Variants in HYAL4 observed in about 807,000 individuals in gnomAD.
The protein encoded by HYAL4 is hyaluronidase-4.
HYAL4 carries 37 observed loss-of-function variants against 35.2 expected under a neutral mutation model. The observed-to-expected ratio is 1.05, with a 90% CI of 0.81 to 1.38. HYAL4 has a LOEUF of 1.38. HYAL4 is among the 40% of genes most tolerant of loss of function. The probability of loss-of-function intolerance (pLI) is 0.00; values close to 1 mark genes in which losing one functional copy is unlikely to be tolerated. For missense variants in HYAL4, 572 were observed against 572.4 expected (o/e 1.00, Z 0.01); for synonymous variants, 198 against 203.2 (o/e 0.97, Z 0.22).
intron 2 of HYAL4, among the ~76,000 whole-genome samples, chr7:123,860,069 C>T (rs532401192): frequency 6.6e-6 from 1 of 152,310 alleles, no homozygotes; most frequent in Non-Finnish European, 1.5e-5. Flanking sequence ...TTCCCCCATG[C>T]TGTTCTCCTG....
chr7:123,862,530 C>T (rs145132183), intron 2 of HYAL4, among the ~76,000 whole-genome samples: 42 of 152,264 alleles, frequency 2.8e-4, no homozygotes, highest in African/African-American at 9.1e-4. Context: ...CAGTGTGGAT[C>T]ACCATGCTGT....
At chr7:123,854,566 T>C (rs985610662) in intron 2 of HYAL4, among the ~76,000 whole-genome samples, 42 of 152,234 alleles carry the variant, frequency 2.8e-4, no homozygotes, top group Admixed American at 2.2e-3. Context: ...TCTAATTTGA[T>C]TGGACTGTGG....
chr7:123,850,298 G>T (rs2116927881), intron 2 of HYAL4, among the ~76,000 whole-genome samples: 1 of 152,324 alleles, frequency 6.6e-6, no homozygotes, highest in South Asian at 2.1e-4. Context: ...ATGGAGTGCA[G>T]TGGCATGATC....
intron 2 of HYAL4, among the ~76,000 whole-genome samples, chr7:123,861,759 A>G (rs1039949307): frequency 1.3e-5 from 2 of 152,188 alleles, no homozygotes; most frequent in Non-Finnish European, 2.9e-5. Flanking sequence ...AATTTTATAC[A>G]ATCAAGATAG....
chr7:123,841,719 T>C (rs1285648429), upstream of HYAL4, among the ~76,000 whole-genome samples: 5 of 152,030 alleles, frequency 3.3e-5, no homozygotes, highest in African/African-American at 7.2e-5. Context: ...GGTTTAGTCT[T>C]GGGAGGGTGT....
At chr7:123,805,270 C>A in the HYAL4 span, among the ~76,000 whole-genome samples, 1 of 152,156 alleles carries the variant, frequency 6.6e-6, no homozygotes, top group Admixed American at 6.5e-5. Flanking sequence ...ATCTGTTCAA[C>A]CCTCCTATTA....
the HYAL4 span, among the ~76,000 whole-genome samples, chr7:123,793,517 G>A: frequency 1.3e-5 from 2 of 152,136 alleles, no homozygotes; most frequent in African/African-American, 2.4e-5. Context: ...GGGACCTGGT[G>A]GAAAATAATT....
intron 3 of HYAL4, among the ~76,000 whole-genome samples, chr7:123,873,110 C>G (rs1200826205): frequency 6.6e-6 from 1 of 152,108 alleles, no homozygotes; most frequent in Non-Finnish European, 1.5e-5. Context: ...TCCCTTATGT[C>G]TTTGCCCAAA....
At chr7:123,866,789 CTTTTTTT>C (rs1009764748) in intron 2 of HYAL4, among the ~76,000 whole-genome samples, 2 of 134,188 alleles carry the variant, frequency 1.5e-5, no homozygotes, top group African/African-American at 2.9e-5. Context: ...CTTTCTCTCT[CTTTTTTT>C]TTTTTTTTTT....
At chr7:123,864,679 G>A (rs963076836) in intron 2 of HYAL4, among the ~76,000 whole-genome samples, 4 of 151,686 alleles carry the variant, frequency 2.6e-5, no homozygotes, top group Non-Finnish European at 5.9e-5. Context: ...CTGAAGCAAA[G>A]GGCACTTTTG....
At chr7:123,822,318 A>G in the HYAL4 span, among the ~76,000 whole-genome samples, 6 of 152,064 alleles carry the variant, frequency 3.9e-5, no homozygotes, top group African/African-American at 1.2e-4. Flanking sequence ...AACACCTTTT[A>G]TCAATATTAT....
At chr7:123,794,223 A>G in the HYAL4 span, among the ~76,000 whole-genome samples, 7 of 152,308 alleles carry the variant, frequency 4.6e-5, no homozygotes, top group Non-Finnish European at 1.0e-4. Context: ...TGGAAGAACC[A>G]TCTAAGTGGC....
At chr7:123,835,160 C>G (rs1183671103) in intron 1 of HYAL4, among the ~76,000 whole-genome samples, 1 of 151,906 alleles carries the variant, frequency 6.6e-6, no homozygotes, top group Non-Finnish European at 1.5e-5. Flanking sequence ...AAGTTTGGTA[C>G]CACTTCTTTG....
upstream of HYAL4, among the ~76,000 whole-genome samples, chr7:123,844,688 C>G (rs1806139758): frequency 1.3e-5 from 2 of 152,166 alleles, no homozygotes; most frequent in South Asian, 2.1e-4. Flanking sequence ...GGGCTCCACC[C>G]AGTTCGAGTT....
Position 123,845,179 on chromosome 7 carries a change from A to G in HYAL4, c.-628A>G, listed in dbSNP as rs369769891. 73 of 64,848 alleles carry G rather than the reference A, an allele frequency of 1.1e-3. 1 individual carries two copies. Among genetic ancestry groups the G allele is most frequent in the African/African-American group, 4.2e-3 (71 of 16,942 alleles). The allele number at this position is 64,848 out of a possible 1,614,324, so 4.0% of individuals were successfully genotyped here. On this transcript the variant is annotated 5_prime_UTR_variant, in exon 1 of 5. Transcript: ENST00000223026. ...TCCAGTTTCAATAGTTCTTTATTTT[A>G]TTTATGCTATCTATTTCTTTTCCTT... is the stretch of plus-strand genomic sequence containing the variant.
chr7:123,765,018 G>A, the HYAL4 span, among the ~76,000 whole-genome samples: 1 of 152,136 alleles, frequency 6.6e-6, no homozygotes, highest in Non-Finnish European at 1.5e-5. Flanking sequence ...TCTGTCTAAA[G>A]ATATTTCTAT....
At chr7:123,796,290 T>G in the HYAL4 span, among the ~76,000 whole-genome samples, 1 of 152,214 alleles carries the variant, frequency 6.6e-6, no homozygotes, top group Non-Finnish European at 1.5e-5. Flanking sequence ...GACAATTCCT[T>G]CTGTCACTTG....
At chr7:123,871,260 C>T (rs893279107) in intron 3 of HYAL4, among the ~76,000 whole-genome samples, 16 of 150,302 alleles carry the variant, frequency 1.1e-4, no homozygotes, top group Admixed American at 3.3e-4. Flanking sequence ...GGCGCGATTT[C>T]GGCTCACTGT....
chr7:123,771,864 C>T, the HYAL4 span, among the ~76,000 whole-genome samples: 2 of 149,180 alleles, frequency 1.3e-5, no homozygotes, highest in Non-Finnish European at 3.0e-5. Context: ...AACTAATGGA[C>T]TCAGTAAAGT....
Sources: gnomAD v4.1 joint callset for allele counts (sites outside exome capture counted in the v4.1 genomes callset) on GRCh38, gnomAD v4.1.1 for gene constraint, MANE v1.5 for transcripts, NCBI Gene and HGNC (gene_info 2026-07-23, HGNC 2026-07-21) for gene names.